The following NKAIN1 variants were observed in gnomAD, a reference collection of about 807,000 sequenced individuals.
NKAIN1 encodes sodium/potassium-transporting ATPase subunit beta-1-interacting protein 1.
A neutral mutation model predicts 31.6 loss-of-function variants in NKAIN1; 13 were observed. The observed-to-expected ratio is 0.41, with a 90% CI of 0.27 to 0.65. The LOEUF is 0.65. NKAIN1 is among the 30% of genes least tolerant of loss of function. NKAIN1 has a pLI of 0.30. For synonymous variants in NKAIN1, 104 were observed against 109.0 expected (o/e 0.95, Z 0.28); for missense variants, 193 against 262.2 (o/e 0.74, Z 1.82).
intron 1 of NKAIN1, among the ~76,000 whole-genome samples, chr1:31,220,696 G>A (rs548501545): frequency 8.1e-4 from 119 of 147,182 alleles, no homozygotes; most frequent in Non-Finnish European, 2.2e-4. Context: ...TGGAGGTTGC[G>A]GTGAGCCAAG....
chr1:31,221,937 G>A (rs370948937), intron 1 of NKAIN1, among the ~76,000 whole-genome samples: 33 of 151,842 alleles, frequency 2.2e-4, no homozygotes, highest in African/African-American at 5.6e-4. Flanking sequence ...GGAGTGCAGT[G>A]GTGCGATCTT....
At chr1:31,198,576 C>T (rs964954429) in intron 1 of NKAIN1, among the ~76,000 whole-genome samples, 1 of 150,920 alleles carries the variant, frequency 6.6e-6, no homozygotes, top group African/African-American at 2.4e-5. Context: ...TCATATCTGG[C>T]CACTTTTTTC....
At chr1:31,213,079 G>A (rs144525993) in intron 1 of NKAIN1, among the ~76,000 whole-genome samples, 1 of 148,010 alleles carries the variant, frequency 6.8e-6, no homozygotes, top group Non-Finnish European at 1.5e-5. Flanking sequence ...TATATCAAAG[G>A]GTACTATCAA....
At chr1:31,208,340 TC>T (rs927647841) in intron 1 of NKAIN1, among the ~76,000 whole-genome samples, 6 of 92,092 alleles carry the variant, frequency 6.5e-5, no homozygotes, top group African/African-American at 1.6e-4. Context: ...AATTCTTTCT[TC>T]CACCCCCCGC....
chr1:31,179,878 A>C lies in NKAIN1; in HGVS notation c.*1825T>G, dbSNP rs1645184344. 1 of 152,340 alleles carries C rather than the reference A, an allele frequency of 6.6e-6. No individual in the cohort carries two copies. Among genetic ancestry groups the C allele is most frequent in the African/African-American group, 2.4e-5 (1 of 41,466 alleles). 9.4% of individuals were successfully genotyped at this position (152,340 alleles called of 1,614,324 possible). ...CCATCTTATAAAAACAAAAGGCTTCAAAGCACCAGTGGCTACACCCGTTGA... is the reference window on the plus strand; with the variant it reads ...CCATCTTATAAAAACAAAAGGCTTCCAAGCACCAGTGGCTACACCCGTTGA... On this transcript the variant is annotated 3_prime_UTR_variant, in exon 7 of 7. Transcript: ENST00000373736.
intron 1 of NKAIN1, among the ~76,000 whole-genome samples, chr1:31,199,866 G>A (rs1645363449): frequency 6.6e-6 from 1 of 152,148 alleles, no homozygotes; most frequent in Non-Finnish European, 1.5e-5. Context: ...TCCTGCCTCA[G>A]AGAGCTCGTC....
At chr1:31,202,756 A>ACTCC (rs1295725856) in intron 1 of NKAIN1, among the ~76,000 whole-genome samples, 2 of 150,956 alleles carry the variant, frequency 1.3e-5, no homozygotes, top group African/African-American at 4.9e-5. Context: ...AGGTGGGCGG[A>ACTCC]TCACGAGGTC....
At position 31,193,644 on chromosome 1, in the gene NKAIN1, T is replaced by C. The variant is rs150326460; in HGVS notation, c.55-5457A>G. Among the ~76,000 whole-genome samples the C allele has an allele frequency of 4.1e-3, 625 of 152,128 alleles. 36 individuals carry two copies. In the East Asian group the frequency reaches 0.098, roughly 24 times the overall value. ...CCGGGAGGTGGAGGTTGCAGTGAGC[T>C]GAGATCGTGCCCTTGCACTCCAGCC... is the stretch of plus-strand genomic sequence containing the variant. On this transcript the variant is annotated intron_variant, in intron 1 of 6. Coordinates refer to ENST00000373736, the MANE Select transcript of NKAIN1 (RefSeq NM_024522.3).
chr1:31,203,755 C>T (rs12083903), intron 1 of NKAIN1, among the ~76,000 whole-genome samples: 6,104 of 151,890 alleles, frequency 0.04, 339 homozygotes, highest in African/African-American at 0.12. Flanking sequence ...TGGCCAATTT[C>T]TGTATTTTTA....
chr1:31,200,191 A>G (rs917500824), intron 1 of NKAIN1, among the ~76,000 whole-genome samples: 12 of 152,222 alleles, frequency 7.9e-5, no homozygotes, highest in Non-Finnish European at 1.0e-4. Flanking sequence ...CCCACTGGGA[A>G]ATGGCCACGG....
At chr1:31,184,153 G>A (rs1342929084) in intron 3 of NKAIN1, 139 bp from the exon 4 acceptor site, 1 of 677,590 alleles carries the variant, frequency 1.5e-6, no homozygotes, top group Admixed American at 3.0e-5. Context: ...ACCAACAGGT[G>A]GCACTTAATG....
chr1:31,207,487 G>A (rs540291743), intron 1 of NKAIN1, among the ~76,000 whole-genome samples: 2 of 152,232 alleles, frequency 1.3e-5, no homozygotes, highest in African/African-American at 4.8e-5. Context: ...GAGGACTCAT[G>A]TACTGAAGGA....
At chr1:31,186,606 C>T (rs552858709) in intron 2 of NKAIN1, among the ~76,000 whole-genome samples, 1 of 152,024 alleles carries the variant, frequency 6.6e-6, no homozygotes, top group East Asian at 1.9e-4. Flanking sequence ...TGGATGGGGC[C>T]TGGAGAAAGG....
At chr1:31,226,303 GA>G (rs1645603764) in intron 1 of NKAIN1, among the ~76,000 whole-genome samples, 1 of 135,980 alleles carries the variant, frequency 7.4e-6, no homozygotes, top group African/African-American at 3.2e-5. Flanking sequence ...GAATTACAGA[GA>G]AATGCAGCAA....
At chr1:31,187,237 T>C (rs1645250853) in intron 2 of NKAIN1, among the ~76,000 whole-genome samples, 1 of 152,142 alleles carries the variant, frequency 6.6e-6, no homozygotes, top group Non-Finnish European at 1.5e-5. Flanking sequence ...CAAGCATGTA[T>C]GTAGTAAATC....
intron 3 of NKAIN1, 85 bp from the exon 4 acceptor site, chr1:31,184,099 C>A (rs1042568435): frequency 1.6e-6 from 2 of 1,240,032 alleles, no homozygotes; most frequent in South Asian, 1.4e-5. Context: ...CTATATTGAT[C>A]GGTGAAGGGA....
rs1056741170 is a variant in NKAIN1 at position 31,239,419 on chromosome 1, C to G, written c.54+75G>C. 3 of 1,189,942 alleles carry G rather than the reference C, an allele frequency of 2.5e-6. No homozygotes were observed. The African/African-American group carries it at 4.8e-5, about 19-fold the overall frequency. 73.7% of individuals were successfully genotyped at this position (1,189,942 alleles called of 1,614,324 possible). On this transcript the variant is annotated intron_variant, in intron 1 of 6. Coordinates refer to ENST00000373736, the MANE Select transcript of NKAIN1 (RefSeq NM_024522.3). This position sits in a 1 kb window ranked among gnomAD's most constrained non-coding sequence, Gnocchi z 4.8. Reference sequence around the variant, plus strand: ...GACACACACACAGAGACACACGCAACCCCACCCGCACGCCCTGGGACCGCG... The same window carrying G: ...GACACACACACAGAGACACACGCAAGCCCACCCGCACGCCCTGGGACCGCG...
intron 1 of NKAIN1, among the ~76,000 whole-genome samples, chr1:31,231,200 C>T (rs550959289): frequency 6.6e-6 from 1 of 151,146 alleles, no homozygotes; most frequent in Non-Finnish European, 1.5e-5. Flanking sequence ...TTTAAATGTA[C>T]AGTAAATTTC....
At chr1:31,217,661 C>T (rs1277349285) in intron 1 of NKAIN1, among the ~76,000 whole-genome samples, 1 of 152,212 alleles carries the variant, frequency 6.6e-6, no homozygotes, top group East Asian at 1.9e-4. Context: ...GTATTTTTGT[C>T]TGGAATTACA....
Sources: gnomAD v4.1 joint callset for allele counts (sites outside exome capture counted in the v4.1 genomes callset) on GRCh38, gnomAD v4.1.1 for gene constraint, Gnocchi (gnomAD v3.1) non-coding constraint, MANE v1.5 for transcripts, NCBI Gene and HGNC (gene_info 2026-07-23, HGNC 2026-07-21) for gene names.